Variants in CTBS observed in about 807,000 individuals in gnomAD.
CTBS encodes the protein chitobiase, also known as di-N-acetylchitobiase.
A neutral mutation model predicts 44.3 loss-of-function variants in CTBS; 35 were observed. That is an observed-to-expected ratio of 0.79 (90% confidence interval 0.60 to 1.05). CTBS has a LOEUF of 1.05. CTBS is among the 50% of genes least tolerant of loss of function. The probability of loss-of-function intolerance (pLI) is 0.00; values close to 1 mark genes in which losing one functional copy is unlikely to be tolerated. For synonymous variants in CTBS, 143 were observed against 168.0 expected, an observed-to-expected ratio of 0.85 and a Z score of 1.15; for missense variants, 458 against 475.3, an observed-to-expected ratio of 0.96 and a Z score of 0.34.
At position 84,569,928 on chromosome 1, in the gene CTBS, T is replaced by C. The variant is rs1647246468; in HGVS notation, c.525+3A>G. On this transcript the variant is annotated splice_donor_region_variant and intron_variant, in intron 3 of 6. Coordinates refer to ENST00000370630, the MANE Select transcript of CTBS (RefSeq NM_004388.3). ...GGTTTCCAAAAAATAAATGAGTTTT[T>C]ACCTGTGATCCCTCAATTTCACGAT... The C allele has an allele frequency of 6.2e-7, 1 of 1,609,162 alleles. No individual in the cohort carries two copies. The highest frequency in any genetic ancestry group is 8.5e-7 in the Non-Finnish European group (1 of 1,178,812).
chr1:84,563,114 G>A, intron 6 of CTBS, 143 bp downstream of exon 6: 1 of 486,510 alleles, frequency 2.1e-6, no homozygotes, highest in Non-Finnish European at 3.4e-6. Context: ...CAGATTCAAA[G>A]ACAAGTTTAC....
In CTBS at chr1:84,549,908, G is replaced by T. The variant is rs956127894; in HGVS notation, c.*5091C>A. On this transcript the variant is annotated 3_prime_UTR_variant, in exon 7 of 7. Coordinates refer to ENST00000370630, the MANE Select transcript of CTBS (RefSeq NM_004388.3). ...AGCATAGCTTATACTTTATCTTACT[G>T]TTTAATCAGTTCAATATAAGAATTT... The T allele has an allele frequency of 6.6e-6, 1 of 150,600 alleles. No individual in the cohort carries two copies. Among genetic ancestry groups the T allele is most frequent in the Non-Finnish European group, 1.5e-5 (1 of 67,682 alleles). The allele number at this position is 150,600 out of a possible 1,614,324, so 9.3% of individuals were successfully genotyped here. A position where few individuals can be genotyped will look rare whatever the true frequency, so the allele number is the denominator to read the frequency against.
chr1:84,557,671 C>A (rs1341094917), intron 6 of CTBS, among the ~76,000 whole-genome samples: 2 of 150,314 alleles, frequency 1.3e-5, no homozygotes, highest in Non-Finnish European at 3.0e-5. Flanking sequence ...CTGGCTAACA[C>A]AGTGAAACCC....
At chr1:84,568,270 A>C (rs1274337411) in intron 3 of CTBS, among the ~76,000 whole-genome samples, 1 of 152,256 alleles carries the variant, frequency 6.6e-6, no homozygotes, top group Non-Finnish European at 1.5e-5. Flanking sequence ...TCCACACATC[A>C]ATTCTAACCT....
intron 1 of CTBS, among the ~76,000 whole-genome samples, chr1:84,571,598 T>C (rs1286633665): frequency 6.6e-6 from 1 of 152,224 alleles, no homozygotes; most frequent in Non-Finnish European, 1.5e-5. Flanking sequence ...CATTAATTCA[T>C]TGATTTGGCA....
chr1:84,557,533 C>CAAAAAAAAAAAAAAA (rs56101174), intron 6 of CTBS, among the ~76,000 whole-genome samples: 20 of 55,408 alleles, frequency 3.6e-4, no homozygotes, highest in Non-Finnish European at 4.9e-4. Context: ...AACTCCATCT[C>CAAAAAAAAAAAAAAA]AAAAAAAAAA....
intron 6 of CTBS, among the ~76,000 whole-genome samples, chr1:84,561,100 T>C (rs1265797750): frequency 6.6e-6 from 1 of 152,240 alleles, no homozygotes; most frequent in Non-Finnish European, 1.5e-5. Flanking sequence ...ACTCCTTTCA[T>C]GGATCTGGCC....
At position 84,552,965 on chromosome 1, in the gene CTBS, C is replaced by T. The variant is rs17099163; in HGVS notation, c.*2034G>A. 0.042 allele frequency: 43,511 copies of T among 1,047,774 alleles called. 2,303 individuals carry two copies. The highest frequency in any genetic ancestry group is 0.23 in the African/African-American group (14,005 of 60,198). 64.9% of individuals were successfully genotyped at this position (1,047,774 alleles called of 1,614,324 possible). ...AAAGCGGTTACAAAAACCCTGTTTA[C>T]ATGACAACTATGATGTACTTTTAGA... On this transcript the variant is annotated 3_prime_UTR_variant, in exon 7 of 7. Coordinates refer to ENST00000370630, the MANE Select transcript of CTBS (RefSeq NM_004388.3).
Position 84,551,811 on chromosome 1 carries a change from T to G in CTBS, c.*3188A>C, listed in dbSNP as rs1684281153. On this transcript the variant is annotated 3_prime_UTR_variant, in exon 7 of 7. Transcript: ENST00000370630. Reference sequence around the variant, plus strand: ...TCAATATATGGAGATAAAGCCAATATGTAAACTTGTACACTTAATAATTGG... The same window carrying G: ...TCAATATATGGAGATAAAGCCAATAGGTAAACTTGTACACTTAATAATTGG... 6.6e-6 allele frequency: 1 copy of G among 152,192 alleles called. No individual in the cohort carries two copies. Among genetic ancestry groups the G allele is most frequent in the African/African-American group, 2.4e-5 (1 of 41,460 alleles). 9.4% of individuals were successfully genotyped at this position (152,192 alleles called of 1,614,324 possible).
chr1:84,563,417 T>C lies in CTBS; in HGVS notation c.797A>G (p.Asp266Gly), dbSNP rs201232040. The C allele has an allele frequency of 8.5e-5, 127 of 1,501,024 alleles. 1 individual carries two copies. Among genetic ancestry groups the C allele is most frequent in the Non-Finnish European group, 1.0e-4 (118 of 1,128,662 alleles). 93.0% of individuals were successfully genotyped at this position (1,501,024 alleles called of 1,614,324 possible). The stretch of plus-strand genomic sequence containing the variant: ...GACTTTTGCAATGGTACAAACATGA[T>C]CCTAGAAATGCAAAAGTGCTCATGT... Reference protein sequence around the residue: ...YDYTCLNLSEDHVCTIAKVPF... With the variant: ...YDYTCLNLSEGHVCTIAKVPF... The change falls in exon 6 of 7, where the codon GAT (aspartate) becomes GGT (glycine). Residue 266 changes from aspartate to glycine, a missense_variant and splice_region_variant. By Grantham distance (94) the Asp-to-Gly change is moderately conservative. Transcript: ENST00000370630.
rs921582783 is a variant in CTBS at position 84,574,234 on chromosome 1, C to G, written c.177+5G>C. The G allele has an allele frequency of 2.5e-6, 4 of 1,605,310 alleles. No homozygotes were observed. The highest frequency in any genetic ancestry group is 2.5e-6 in the Non-Finnish European group (3 of 1,176,642). ...AGACCTAGAGGAGCAGAGGAAGGCG[C>G]TGACCTCGAAATCTGGATGGTGGCG... On this transcript the variant is annotated splice_donor_5th_base_variant and intron_variant, in intron 1 of 6. Coordinates refer to ENST00000370630, the MANE Select transcript of CTBS (RefSeq NM_004388.3).
intron 1 of CTBS, among the ~76,000 whole-genome samples, chr1:84,572,122 G>A (rs978653378): frequency 6.6e-5 from 10 of 152,184 alleles, no homozygotes; most frequent in Admixed American, 5.2e-4. Context: ...CAGGGGATAT[G>A]CATTACAAAA....
intron 3 of CTBS, among the ~76,000 whole-genome samples, 155 bp downstream of exon 3, chr1:84,569,776 G>T (rs1294298040): frequency 6.6e-6 from 1 of 152,084 alleles, no homozygotes; most frequent in Non-Finnish European, 1.5e-5. Flanking sequence ...CCTTAAATAA[G>T]AACACCAAAG....
intron 1 of CTBS, among the ~76,000 whole-genome samples, chr1:84,570,988 G>A (rs1282872839): frequency 6.6e-6 from 1 of 152,196 alleles, no homozygotes; most frequent in Non-Finnish European, 1.5e-5. Flanking sequence ...TAAATATTTA[G>A]TATGGCCGAC....
intron 3 of CTBS, among the ~76,000 whole-genome samples, chr1:84,569,425 G>T (rs59883827): frequency 0.036 from 5,515 of 152,232 alleles, 351 homozygotes; most frequent in African/African-American, 0.13. Context: ...AAGATAGCTT[G>T]TGTTGTTACC....
chr1:84,564,452 A>G (rs1484198035), intron 4 of CTBS, among the ~76,000 whole-genome samples: 1 of 152,192 alleles, frequency 6.6e-6, no homozygotes, highest in African/African-American at 2.4e-5. Context: ...ATTACTTTTT[A>G]GAGCCTTTAA....
chr1:84,574,235 T>A lies in CTBS; in HGVS notation c.177+4A>T. On this transcript the variant is annotated splice_donor_region_variant and intron_variant, in intron 1 of 6. Transcript: ENST00000370630. Reference sequence around the variant, plus strand: ...GACCTAGAGGAGCAGAGGAAGGCGCTGACCTCGAAATCTGGATGGTGGCGA... The same window carrying A: ...GACCTAGAGGAGCAGAGGAAGGCGCAGACCTCGAAATCTGGATGGTGGCGA... The A allele has an allele frequency of 6.2e-7, 1 of 1,605,482 alleles. No individual in the cohort carries two copies. The highest frequency in any genetic ancestry group is 8.5e-7 in the Non-Finnish European group (1 of 1,176,746).
rs1383419173 is a variant in CTBS at position 84,570,113 on chromosome 1, C to T, written c.343G>A (p.Asp115Asn). The change falls in exon 3 of 7, where the codon GAT becomes AAT. Residue 115 changes from aspartate to asparagine, a missense_variant. Transcript: ENST00000370630. ...ATCCAGGATGCTCTGAAAGCAGGATCAATGATATCCTTTAAGGATACATCT... is the reference window on the plus strand; with the variant it reads ...ATCCAGGATGCTCTGAAAGCAGGATTAATGATATCCTTTAAGGATACATCT... ...KGDVSLKDII[D>N]PAFRASWIAQ... 6.2e-7 allele frequency: 1 copy of T among 1,613,048 alleles called. No individual in the cohort carries two copies. The highest frequency in any genetic ancestry group is 8.5e-7 in the Non-Finnish European group (1 of 1,179,636).
At chr1:84,573,604 C>T (rs1647377477) in intron 1 of CTBS, among the ~76,000 whole-genome samples, 1 of 152,188 alleles carries the variant, frequency 6.6e-6, no homozygotes, top group South Asian at 2.1e-4. Flanking sequence ...TTGGACCTTC[C>T]TGATGTCATC....
Sources: gnomAD v4.1 joint callset for allele counts (sites outside exome capture counted in the v4.1 genomes callset) on GRCh38, gnomAD v4.1.1 for gene constraint, MANE v1.5 for transcripts, NCBI Gene and HGNC (gene_info 2026-07-23, HGNC 2026-07-21) for gene names.